Variants in ARHGEF18 observed in about 807,000 individuals in gnomAD.
ARHGEF18 encodes Rho/Rac guanine nucleotide exchange factor 18.
In ARHGEF18, 93 loss-of-function variants were observed where a neutral mutation model predicts 155.7. The observed-to-expected ratio is 0.60, with a 90% confidence interval of 0.50 to 0.71. The LOEUF (loss-of-function observed/expected upper bound fraction) is 0.71. Among genes scored for constraint, ARHGEF18 ranks in the 30% least tolerant of loss-of-function variants. ARHGEF18 has a pLI of 0.00. For missense variants in ARHGEF18, 1,593 were observed against 1,816.1 expected (o/e 0.88, Z 2.23); for synonymous variants, 742 against 753.1 (o/e 0.99, Z 0.24).
chr19:7,389,731 C>T (rs1487123976), intron 10 of ARHGEF18, among the ~76,000 whole-genome samples: 3 of 151,308 alleles, frequency 2.0e-5, no homozygotes, highest in East Asian at 2.0e-4. Context: ...GACAGGGTTT[C>T]GCCGTGTTGG....
chr19:7,421,009 C>T (rs758233406), intron 10 of ARHGEF18, among the ~76,000 whole-genome samples: 1 of 152,116 alleles, frequency 6.6e-6, no homozygotes, highest in Non-Finnish European at 1.5e-5. Context: ...TGGCTCACTG[C>T]CGCCTCCACC....
downstream of ARHGEF18, chr19:7,477,244 C>T (rs1280633975): frequency 6.4e-7 from 1 of 1,562,754 alleles, no homozygotes; most frequent in Non-Finnish European, 8.6e-7. Context: ...CCCGGGCCGC[C>T]TGGTACATGC....
At chr19:7,405,102 T>G (rs200378096) in intron 10 of ARHGEF18, among the ~76,000 whole-genome samples, 3 of 151,658 alleles carry the variant, frequency 2.0e-5, no homozygotes, top group Non-Finnish European at 4.4e-5. Flanking sequence ...GGATTATAGG[T>G]GCCCGCCACT....
At chr19:7,365,141 G>A (rs1969828023) in intron 2 of ARHGEF18, among the ~76,000 whole-genome samples, 1 of 152,220 alleles carries the variant, frequency 6.6e-6, no homozygotes, top group Admixed American at 6.5e-5. Flanking sequence ...GCTCGTGCCT[G>A]TAATCACAGC....
Position 7,395,006 on chromosome 19 carries a change from G to C in ARHGEF18, c.967+11803G>C, listed in dbSNP as rs1053063556. The C allele has an allele frequency of 5.1e-6, 5 of 973,248 alleles. No individual in the cohort carries two copies. Among genetic ancestry groups the C allele is most frequent in the South Asian group, 4.7e-5 (1 of 21,104 alleles). 60.3% of individuals were successfully genotyped at this position (973,248 alleles called of 1,614,324 possible). A position where few individuals can be genotyped will look rare whatever the true frequency, so the allele number is the denominator to read the frequency against. On this transcript the variant is annotated intron_variant, in intron 10 of 28. Transcript: ENST00000668164. The surrounding 1 kb of genome is among the most constrained non-coding windows in gnomAD (Gnocchi z 5.0). ...ACGCCCCCTCACCACGGCTCGGGGAGCAGCAGCCCCAGGTCCCCGGGAGCG... is the reference window on the plus strand; with the variant it reads ...ACGCCCCCTCACCACGGCTCGGGGACCAGCAGCCCCAGGTCCCCGGGAGCG...
Position 7,462,082 on chromosome 19 carries a change from G to GCC in ARHGEF18, c.2453-70_2453-69insCC. 1 of 1,597,106 alleles carries GCC rather than the reference G, an allele frequency of 6.3e-7. No homozygotes were observed. Among genetic ancestry groups the GCC allele is most frequent in the South Asian group, 1.1e-5 (1 of 90,160 alleles). The stretch of plus-strand genomic sequence containing the variant: ...AGCGGGGTTCCTCATCCTTAGGCCA[G>GCC]TCCCCGGGGCTCAGATGATTCCAGG... On this transcript the variant is annotated intron_variant, in intron 20 of 28. Transcript: ENST00000668164. This position sits in a 1 kb window ranked among gnomAD's most constrained non-coding sequence, Gnocchi z 4.4.
At chr19:7,451,044 G>T in intron 15 of ARHGEF18, 105 bp from the exon 16 acceptor site, 3 of 851,576 alleles carry the variant, frequency 3.5e-6, no homozygotes, top group South Asian at 3.0e-5. Flanking sequence ...GTCCATTTCC[G>T]AGATGTTAAT....
intron 18 of ARHGEF18, among the ~76,000 whole-genome samples, chr19:7,457,172 A>G (rs1328521294): frequency 1.3e-5 from 2 of 152,056 alleles, no homozygotes; most frequent in Non-Finnish European, 2.9e-5. Flanking sequence ...AGGTATCAGC[A>G]GGGTTGGTTT....
At position 7,444,545 on chromosome 19, in the gene ARHGEF18, G is replaced by T. The variant is rs984461741; in HGVS notation, c.1611+91G>T. On this transcript the variant is annotated intron_variant, in intron 14 of 28. Coordinates refer to ENST00000668164, the MANE Select transcript of ARHGEF18 (RefSeq NM_001367823.1). The surrounding 1 kb of genome is among the most constrained non-coding windows in gnomAD (Gnocchi z 4.7). ...TTTTTTTCTGAGATAGGGTCTTGCC[G>T]TGTCGCCCAGGCTGGAGTGCAGTGG... is the stretch of plus-strand genomic sequence containing the variant. 5.3e-6 allele frequency: 8 copies of T among 1,515,672 alleles called. No homozygotes were observed. Among genetic ancestry groups the T allele is most frequent in the Non-Finnish European group, 7.1e-6 (8 of 1,132,884 alleles). The allele number at this position is 1,515,672 out of a possible 1,614,324, so 93.9% of individuals were successfully genotyped here. A position where few individuals can be genotyped will look rare whatever the true frequency, so the allele number is the denominator to read the frequency against.
At chr19:7,394,438 C>T (rs2145528275) in intron 10 of ARHGEF18, among the ~76,000 whole-genome samples, 1 of 152,070 alleles carries the variant, frequency 6.6e-6, no homozygotes, top group Non-Finnish European at 1.5e-5. Context: ...CTGGGAGTGC[C>T]CCCCTTAGGT....
chr19:7,472,757 T>A (rs532427074), downstream of ARHGEF18: 55 of 344,744 alleles, frequency 1.6e-4, no homozygotes, highest in African/African-American at 1.1e-3. Flanking sequence ...TGGAGACCAG[T>A]GGCAGGTTCT....
chr19:7,362,622 C>T (rs1568265781), intron 1 of ARHGEF18, among the ~76,000 whole-genome samples, 159 bp from the exon 2 acceptor site: 1 of 152,166 alleles, frequency 6.6e-6, no homozygotes, highest in Non-Finnish European at 1.5e-5. Context: ...ATGTTGGCTT[C>T]AAGATCATTG....
intron 2 of ARHGEF18, among the ~76,000 whole-genome samples, chr19:7,364,397 G>GAAGA (rs1349327753): frequency 1.4e-3 from 215 of 149,386 alleles, no homozygotes; most frequent in African/African-American, 5.2e-3. Flanking sequence ...AGGAAGGAAG[G>GAAGA]AAGGAAGGCA....
At chr19:7,408,783 C>T (rs968830238) in intron 10 of ARHGEF18, among the ~76,000 whole-genome samples, 3 of 152,172 alleles carry the variant, frequency 2.0e-5, no homozygotes, top group African/African-American at 4.8e-5. Context: ...TGGCTCACGC[C>T]TGTAATCTCA....
chr19:7,421,531 C>T (rs1426404722), intron 10 of ARHGEF18, among the ~76,000 whole-genome samples: 1 of 152,128 alleles, frequency 6.6e-6, no homozygotes, highest in Non-Finnish European at 1.5e-5. Flanking sequence ...GAGGCCAAGG[C>T]AGGCAGATTA....
chr19:7,476,514 C>G (rs2335187), downstream of ARHGEF18, among the ~76,000 whole-genome samples: 22,859 of 152,232 alleles, frequency 0.15, 1,830 homozygotes, highest in Non-Finnish European at 0.19. Flanking sequence ...GGTGGGAGCC[C>G]CAAGTATCTT....
At position 7,395,325 on chromosome 19, in the gene ARHGEF18, G is replaced by C; in HGVS notation, c.967+12122G>C. On this transcript the variant is annotated intron_variant, in intron 10 of 28. Transcript: ENST00000668164. The surrounding 1 kb of genome is among the most constrained non-coding windows in gnomAD (Gnocchi z 5.0). ...CTCGGTCTCTTCAGGGGGTGGCCTG[G>C]GGCGCGGGACCCCCGGGGCTGCCTC... is the stretch of plus-strand genomic sequence containing the variant. The C allele has an allele frequency of 1.0e-6, 1 of 985,318 alleles. No homozygotes were observed. The highest frequency in any genetic ancestry group is 1.2e-6 in the Non-Finnish European group (1 of 829,790). 61.0% of individuals were successfully genotyped at this position (985,318 alleles called of 1,614,324 possible).
At chr19:7,459,538 C>T (rs747935114) in intron 19 of ARHGEF18, among the ~76,000 whole-genome samples, 25 of 152,284 alleles carry the variant, frequency 1.6e-4, no homozygotes, top group Admixed American at 7.2e-4. Flanking sequence ...TCTTGATTCC[C>T]GGAGGCTTCC....
rs547773210 is a variant in ARHGEF18 at position 7,462,559 on chromosome 19, G to A, written c.2635+225G>A. On this transcript the variant is annotated intron_variant, in intron 21 of 28. Coordinates refer to ENST00000668164, the MANE Select transcript of ARHGEF18 (RefSeq NM_001367823.1). The surrounding 1 kb of genome is among the most constrained non-coding windows in gnomAD (Gnocchi z 4.4). ...CCAAGCCGCTCCTTGCAGACATAAA[G>A]CACTTTCTCCCCGTTCAACAACCGC... 1.2e-4 allele frequency among the ~76,000 whole-genome samples: 18 copies of A among 152,114 alleles called. No homozygotes were observed. In the East Asian group the frequency reaches 3.5e-3, roughly 29 times the overall value.
Sources: gnomAD v4.1 joint callset for allele counts (sites outside exome capture counted in the v4.1 genomes callset) on GRCh38, gnomAD v4.1.1 for gene constraint, Gnocchi (gnomAD v3.1) non-coding constraint, MANE v1.5 for transcripts, NCBI Gene and HGNC (gene_info 2026-07-23, HGNC 2026-07-21) for gene names.